Variants in SYN2 observed in about 807,000 individuals in gnomAD.
The protein encoded by SYN2 is synapsin-2.
In SYN2, 19 loss-of-function variants were observed where a neutral mutation model predicts 50.9. That is an observed-to-expected ratio of 0.37 (90% CI 0.26 to 0.55). SYN2 has a LOEUF of 0.55. Among genes scored for constraint, SYN2 ranks in the 20% least tolerant of loss-of-function variants. SYN2 has a pLI of 0.81. For synonymous variants in SYN2, 255 were observed against 224.9 expected (o/e 1.13, Z -1.20); for missense variants, 587 against 576.4 (o/e 1.02, Z -0.19).
At chr3:12,014,990 C>T (rs886351074) in intron 1 of SYN2, among the ~76,000 whole-genome samples, 1 of 152,228 alleles carries the variant, frequency 6.6e-6, no homozygotes, top group African/African-American at 2.4e-5. Context: ...AAGTACACAG[C>T]AAGCATTCAT....
intron 1 of SYN2, among the ~76,000 whole-genome samples, chr3:12,095,573 A>ATCGGCCGGGCACGGT (rs1695915113): frequency 1.1e-5 from 1 of 94,286 alleles, no homozygotes; most frequent in African/African-American, 4.7e-5. Flanking sequence ...AAAAAAAAAA[A>ATCGGCCGGGCACGGT]GGACCATCAT....
intron 10 of SYN2, among the ~76,000 whole-genome samples, chr3:12,178,732 G>T (rs969549122): frequency 1.3e-5 from 2 of 152,152 alleles, no homozygotes; most frequent in African/African-American, 4.8e-5. Flanking sequence ...ATAGTAGTAG[G>T]ATGCTCACTT....
In SYN2 at chr3:12,187,531, C is replaced by T. The variant is rs1433780741; in HGVS notation, c.1532C>T (p.Pro511Leu). The T allele has an allele frequency of 1.9e-6, 3 of 1,552,404 alleles. No individual in the cohort carries two copies. The highest frequency in any genetic ancestry group is 3.9e-5 in the Admixed American group (2 of 51,046). ...PGGPTTHGDAPSSSSSLAEAQ... is the reference protein window; with the variant it reads ...PGGPTTHGDALSSSSSLAEAQ... ...GGCCCCACCACCCACGGAGATGCACCCTCCAGCAGCAGCTCCCTGGCAGAG... is the reference window on the plus strand; with the variant it reads ...GGCCCCACCACCCACGGAGATGCACTCTCCAGCAGCAGCTCCCTGGCAGAG... Residue 511 changes from proline to leucine, a missense_variant, in exon 12 of 13, where the codon CCC (proline) becomes CTC (leucine). Pro to Leu is a moderately conservative substitution (Grantham distance 98). Transcript: ENST00000621198.
At chr3:12,162,270 C>A in intron 7 of SYN2, 116 bp downstream of exon 7, 1 of 1,341,690 alleles carries the variant, frequency 7.5e-7, no homozygotes, top group Non-Finnish European at 1.0e-6. Flanking sequence ...GATTTTTTTA[C>A]CTGGGTTCCT....
At chr3:12,134,597 C>G (rs1696857322) in intron 1 of SYN2, among the ~76,000 whole-genome samples, 1 of 152,230 alleles carries the variant, frequency 6.6e-6, no homozygotes, top group Non-Finnish European at 1.5e-5. Context: ...TGGCTCCCTC[C>G]TTTGGGTTCC....
chr3:12,173,220 A>G (rs930982714), intron 10 of SYN2, among the ~76,000 whole-genome samples: 2 of 152,212 alleles, frequency 1.3e-5, no homozygotes, highest in East Asian at 1.9e-4. Flanking sequence ...ACTTGAGCTT[A>G]AAGCCATGAC....
chr3:12,083,382 G>A (rs1375406846), intron 1 of SYN2, among the ~76,000 whole-genome samples: 2 of 152,124 alleles, frequency 1.3e-5, no homozygotes, highest in African/African-American at 2.4e-5. Flanking sequence ...TAATAGTTCT[G>A]TCTCTCTCTG....
At chr3:12,140,334 C>G (rs1256468555) in intron 1 of SYN2, among the ~76,000 whole-genome samples, 1 of 151,574 alleles carries the variant, frequency 6.6e-6, no homozygotes, top group Non-Finnish European at 1.5e-5. Flanking sequence ...TAAAGCTGAT[C>G]TAGCCTTTAT....
At chr3:12,060,410 A>AT (rs1010834900) in intron 1 of SYN2, among the ~76,000 whole-genome samples, 12 of 152,152 alleles carry the variant, frequency 7.9e-5, no homozygotes, top group Non-Finnish European at 1.2e-4. Context: ...GGAGAAGGGC[A>AT]TTTCTCTGAC....
chr3:12,183,223 C>T, intron 10 of SYN2, 89 bp from the exon 11 acceptor site: 2 of 1,501,228 alleles, frequency 1.3e-6, no homozygotes, highest in East Asian at 2.4e-5. Context: ...CCGGATTCCA[C>T]TGCGGCCTTG....
At chr3:12,161,772 T>C in intron 6 of SYN2, 164 bp downstream of exon 6, 1 of 990,240 alleles carries the variant, frequency 1.0e-6, no homozygotes, top group South Asian at 1.5e-5. Context: ...ACCAGACCTC[T>C]TTCAGTAAGC....
chr3:12,070,498 A>G, intron 1 of SYN2: 1 of 685,772 alleles, frequency 1.5e-6, no homozygotes, highest in Non-Finnish European at 2.6e-6. Context: ...ATTTGGCACC[A>G]CACCTTCTAC....
intron 10 of SYN2, among the ~76,000 whole-genome samples, chr3:12,179,374 GAAAAAAAAAAA>G (rs536283283): frequency 4.3e-5 from 4 of 92,564 alleles, no homozygotes; most frequent in African/African-American, 1.6e-4. Flanking sequence ...AGAACTGAAA[GAAAAAAAAAAA>G]AAAAAAAAAA....
At chr3:12,040,218 G>T (rs551445987) in intron 1 of SYN2, among the ~76,000 whole-genome samples, 1 of 152,280 alleles carries the variant, frequency 6.6e-6, no homozygotes, top group African/African-American at 2.4e-5. Context: ...TGGAAGATGG[G>T]CTGGCAACTG....
rs187484850 is a variant in SYN2, at chr3:12,192,031, A to C, written c.*1406A>C. The stretch of plus-strand genomic sequence containing the variant: ...TAAAAAATCCATATATTAAAATGTT[A>C]ATATCTGAATGTTAATAAGTATCTA... On this transcript the variant is annotated 3_prime_UTR_variant, in exon 13 of 13. Transcript: ENST00000621198. 1.9e-3 allele frequency among the ~76,000 whole-genome samples: 295 copies of C among 152,298 alleles called. 3 individuals carry two copies. Among genetic ancestry groups the C allele is most frequent in the African/African-American group, 6.8e-3 (282 of 41,556 alleles).
intron 1 of SYN2, among the ~76,000 whole-genome samples, chr3:12,098,643 A>C (rs761198125): frequency 1.3e-5 from 2 of 151,870 alleles, no homozygotes; most frequent in African/African-American, 2.4e-5. Flanking sequence ...TTAATGGAGG[A>C]ATAGGGGAAT....
chr3:12,076,596 C>T (rs180807360), intron 1 of SYN2, among the ~76,000 whole-genome samples: 64 of 151,914 alleles, frequency 4.2e-4, no homozygotes, highest in Middle Eastern at 3.4e-3. Flanking sequence ...ATAATACCTA[C>T]GTTTTTATCA....
intron 1 of SYN2, among the ~76,000 whole-genome samples, chr3:12,006,525 C>T (rs1693804356): frequency 1.3e-5 from 2 of 152,182 alleles, no homozygotes; most frequent in African/African-American, 2.4e-5. Context: ...CATGATATCT[C>T]ATTGCATTTT....
intron 1 of SYN2, among the ~76,000 whole-genome samples, chr3:12,073,445 C>T (rs929384893): frequency 6.6e-6 from 1 of 152,124 alleles, no homozygotes. Context: ...TGGCTTAGGA[C>T]TCAGTTTTCT....
Sources: allele counts gnomAD v4.1 joint callset (sites outside exome capture counted in the v4.1 genomes callset), GRCh38; gene constraint gnomAD v4.1.1; transcripts MANE v1.5; gene names NCBI Gene and HGNC (gene_info 2026-07-23, HGNC 2026-07-21).